KIF24: variants seen among roughly 807,000 people sequenced by gnomAD.
KIF24 encodes the protein kinesin-like protein KIF24.
Under a neutral mutation model 118.9 loss-of-function variants are expected in KIF24, and 81 were observed. The observed-to-expected ratio is 0.68, with a 90% CI of 0.57 to 0.82. The LOEUF (loss-of-function observed/expected upper bound fraction) is 0.82. KIF24 is among the 40% of genes least tolerant of loss of function. The pLI, the probability that KIF24 is intolerant of heterozygous loss-of-function variation, is 0.00. For missense variants in KIF24, 1,560 were observed against 1,661.6 expected (o/e 0.94, Z 1.06); for synonymous variants, 599 against 610.0 (o/e 0.98, Z 0.27).
intron 6 of KIF24, among the ~76,000 whole-genome samples, chr9:34,276,437 A>C (rs1192255636): frequency 6.6e-6 from 1 of 150,848 alleles, no homozygotes; most frequent in Non-Finnish European, 1.5e-5. Flanking sequence ...AGAAAGTCCT[A>C]TTTCATTTTT....
chr9:34,320,894 A>G (rs1379571092), intron 1 of KIF24, among the ~76,000 whole-genome samples: 1 of 152,046 alleles, frequency 6.6e-6, no homozygotes, highest in Non-Finnish European at 1.5e-5. Context: ...CAGGATAATG[A>G]CCCTTCTCCA....
intron 1 of KIF24, chr9:34,319,201 C>T: frequency 6.3e-7 from 1 of 1,596,450 alleles, no homozygotes; most frequent in Non-Finnish European, 8.6e-7. Flanking sequence ...AGCTCTCCAG[C>T]CTCATCATCC....
At chr9:34,325,344 CAA>C (rs35972295) in intron 1 of KIF24, among the ~76,000 whole-genome samples, 1 of 118,246 alleles carries the variant, frequency 8.5e-6, no homozygotes. Flanking sequence ...GACTTCGTCT[CAA>C]AAAAAAAAAA....
intron 2 of KIF24, among the ~76,000 whole-genome samples, chr9:34,306,862 T>A (rs992900207): frequency 9.9e-5 from 15 of 152,032 alleles, no homozygotes; most frequent in Non-Finnish European, 1.9e-4. Context: ...TTTCTTAAAG[T>A]TACAAAGTAA....
chr9:34,298,544 CAAA>C (rs5897564), intron 3 of KIF24, among the ~76,000 whole-genome samples: 3 of 135,940 alleles, frequency 2.2e-5, no homozygotes, highest in Non-Finnish European at 3.1e-5. Context: ...AACTCCATCT[CAAA>C]AAAAAAAAAA....
intron 6 of KIF24, 126 bp from the exon 7 acceptor site, chr9:34,272,056 C>A: frequency 1.3e-6 from 1 of 760,162 alleles, no homozygotes; most frequent in Non-Finnish European, 2.0e-6. Flanking sequence ...TTTTTTCTGT[C>A]CAGGTGGAAA....
rs896796881 is a variant in KIF24, at chr9:34,329,128, G to T, written c.-48C>A. 1.5e-4 allele frequency among the ~76,000 whole-genome samples: 23 copies of T among 152,302 alleles called. No individual in the cohort carries two copies. The highest frequency in any genetic ancestry group is 5.5e-4 in the African/African-American group (23 of 41,560). On this transcript the variant is annotated 5_prime_UTR_variant, in exon 1 of 13. Coordinates refer to ENST00000402558, the MANE Select transcript of KIF24 (RefSeq NM_194313.4). ...CACCTCGGTCCAAACTCCTCGGTCT[G>T]CCCTGTCTGAGAAGAGGAGAAGACA... is the stretch of plus-strand genomic sequence containing the variant.
At chr9:34,254,936 T>C (rs1358088886) in intron 12 of KIF24, 136 bp downstream of exon 12, 1 of 628,772 alleles carries the variant, frequency 1.6e-6, no homozygotes, top group Admixed American at 2.6e-5. Context: ...CAAGAGGAGG[T>C]GTGAGGCCTC....
chr9:34,271,604 T>G (rs1050954790), intron 7 of KIF24, among the ~76,000 whole-genome samples: 1 of 152,210 alleles, frequency 6.6e-6, no homozygotes, highest in African/African-American at 2.4e-5. Context: ...TAACTTAGGG[T>G]TGACCAACAA....
intron 9 of KIF24, among the ~76,000 whole-genome samples, chr9:34,261,029 A>T (rs930583528): frequency 6.6e-6 from 1 of 152,178 alleles, no homozygotes; most frequent in African/African-American, 2.4e-5. Flanking sequence ...ATCAGGACTA[A>T]CCACCTATAA....
intron 6 of KIF24, among the ~76,000 whole-genome samples, chr9:34,272,351 T>C (rs1835537363): frequency 6.6e-6 from 1 of 152,208 alleles, no homozygotes; most frequent in Non-Finnish European, 1.5e-5. Context: ...TCTACCAGGA[T>C]GCAGTCATAA....
At chr9:34,255,346 G>C (rs1280860315) in intron 11 of KIF24, among the ~76,000 whole-genome samples, 181 bp from the exon 12 acceptor site, 1 of 152,148 alleles carries the variant, frequency 6.6e-6, no homozygotes, top group Non-Finnish European at 1.5e-5. Flanking sequence ...GATTAGGTAA[G>C]GAATTACGGA....
intron 8 of KIF24, among the ~76,000 whole-genome samples, chr9:34,264,654 G>C (rs1477920717): frequency 6.6e-6 from 1 of 152,076 alleles, no homozygotes; most frequent in East Asian, 1.9e-4. Flanking sequence ...CTTTAGCACT[G>C]AGAAGATTCT....
In KIF24 at chr9:34,291,641, A is replaced by G. The variant is rs541531566; in HGVS notation, c.912-1252T>C. ...GGGAGACCAGCCTGTCAATCACAGTATGTTTTACGAGGAGTTGGAGACCAA... is the reference window on the plus strand; with the variant it reads ...GGGAGACCAGCCTGTCAATCACAGTGTGTTTTACGAGGAGTTGGAGACCAA... On this transcript the variant is annotated intron_variant, in intron 4 of 12. Coordinates refer to ENST00000402558, the MANE Select transcript of KIF24 (RefSeq NM_194313.4). Among the ~76,000 whole-genome samples the G allele has an allele frequency of 6.6e-5, 10 of 152,324 alleles. No homozygotes were observed. In the South Asian group the frequency reaches 2.1e-3, roughly 32 times the overall value.
chr9:34,256,756 C>G lies in KIF24; in HGVS notation c.2851G>C (p.Glu951Gln), dbSNP rs1834862099. The G allele has an allele frequency of 6.2e-7, 1 of 1,613,906 alleles. No individual in the cohort carries two copies. The highest frequency in any genetic ancestry group is 1.3e-5 in the African/African-American group (1 of 74,934). Residue 951 changes from glutamate (E) to glutamine (Q), a missense_variant, in exon 11 of 13, where the codon GAA becomes CAA. Glu to Gln is a conservative substitution (Grantham distance 29, BLOSUM62 2). Around this residue, in one of 3 missense-constraint regions of KIF24, gnomAD observed 591 missense variants for 655.6 expected, o/e 0.90. Transcript: ENST00000402558. Reference sequence around the variant, plus strand: ...TCAAAGGAAGAGCCTCCACCTCTTTCCTGTCTATATATGAAATCTACCTGT... The same window carrying G: ...TCAAAGGAAGAGCCTCCACCTCTTTGCTGTCTATATATGAAATCTACCTGT... ...CSQVDFIYRQERGGGSSFDLR... is the reference protein window; with the variant it reads ...CSQVDFIYRQQRGGGSSFDLR...
At chr9:34,317,142 G>C (rs748992532) in intron 1 of KIF24, among the ~76,000 whole-genome samples, 1 of 151,768 alleles carries the variant, frequency 6.6e-6, no homozygotes, top group African/African-American at 2.4e-5. Context: ...CACTTGTACC[G>C]GGAAAGTGGA....
chr9:34,295,683 TATAAAATAAA>T (rs1007557025), intron 4 of KIF24, among the ~76,000 whole-genome samples: 1 of 151,414 alleles, frequency 6.6e-6, no homozygotes, highest in Admixed American at 6.6e-5. Context: ...GTCTCAAAAA[TATAAAATAAA>T]ATAAAATAAA....
chr9:34,317,171 T>C (rs1027103803), intron 1 of KIF24, among the ~76,000 whole-genome samples: 2 of 150,532 alleles, frequency 1.3e-5, no homozygotes, highest in African/African-American at 2.5e-5. Context: ...TGAGCTGAGA[T>C]CGCGCCATTG....
At chr9:34,262,675 A>AAAAATAAATATATATATATATAT (rs1554659805) in intron 9 of KIF24, among the ~76,000 whole-genome samples, 1 of 27,060 alleles carries the variant, frequency 3.7e-5, no homozygotes, top group Admixed American at 7.0e-4. Flanking sequence ...AAAAAAAAAA[A>AAAAATAAATATATATATATATAT]ATATATATAT....
Sources: allele counts gnomAD v4.1 joint callset (sites outside exome capture counted in the v4.1 genomes callset), GRCh38; gene constraint gnomAD v4.1.1; regional missense constraint gnomAD v4.1.1; transcripts MANE v1.5; gene names NCBI Gene and HGNC (gene_info 2026-07-23, HGNC 2026-07-21).